Variants in CACNA2D1 observed in about 807,000 individuals in gnomAD.
CACNA2D1 encodes the protein calcium voltage-gated channel auxiliary subunit alpha2delta 1, also known as voltage-dependent calcium channel subunit alpha-2/delta-1.
In CACNA2D1, 53 loss-of-function variants were observed where a neutral mutation model predicts 171.5. The observed-to-expected ratio is 0.31, with a 90% CI of 0.25 to 0.39. The LOEUF (loss-of-function observed/expected upper bound fraction) is 0.39. CACNA2D1 is among the 10% of genes least tolerant of loss of function. The pLI, the probability that CACNA2D1 is intolerant of heterozygous loss-of-function variation, is 1.00. For synonymous variants in CACNA2D1, 442 were observed against 443.1 expected, an observed-to-expected ratio of 1.00 and a Z score of 0.03; for missense variants, 903 against 1,299.8, an observed-to-expected ratio of 0.69 and a Z score of 4.69.
rs1800897678 is a variant in CACNA2D1 at position 82,019,330 on chromosome 7, C to CA, written c.1144-4852dup. Among the ~76,000 whole-genome samples, 3 of 151,874 alleles carry CA rather than the reference C, an allele frequency of 2.0e-5. No homozygotes were observed. In the South Asian group the frequency reaches 6.2e-4, roughly 31 times the overall value. On this transcript the variant is annotated intron_variant, in intron 12 of 38. Coordinates refer to ENST00000356860, the MANE Select transcript of CACNA2D1 (RefSeq NM_000722.4). ...TGAGACTCCGTCTCAAAACAAAAAA[C>CA]AAAAAACAAAAAAAATTAAATTCCT...
At chr7:82,187,441 C>T (rs36032548) in intron 3 of CACNA2D1, among the ~76,000 whole-genome samples, 44,092 of 151,818 alleles carry the variant, frequency 0.29, 6,641 homozygotes, top group East Asian at 0.45. Context: ...GAAATAAGGA[C>T]AATGTACAAT....
At chr7:82,105,387 C>A (rs1787618153) in intron 6 of CACNA2D1, among the ~76,000 whole-genome samples, 3 of 139,778 alleles carry the variant, frequency 2.1e-5, no homozygotes, top group Non-Finnish European at 3.1e-5. Context: ...ATTAATCAAA[C>A]CAGTTTTTGT....
intron 4 of CACNA2D1, among the ~76,000 whole-genome samples, chr7:82,151,316 T>C (rs1793834070): frequency 6.6e-6 from 1 of 152,120 alleles, no homozygotes; most frequent in Non-Finnish European, 1.5e-5. Flanking sequence ...TTTAGAGTAG[T>C]AAATGAAGAT....
At chr7:82,052,536 T>C (rs377602395) in intron 10 of CACNA2D1, among the ~76,000 whole-genome samples, 1 of 152,184 alleles carries the variant, frequency 6.6e-6, no homozygotes, top group East Asian at 1.9e-4. Context: ...ATCAATTCTC[T>C]TTACCTGTAT....
intron 11 of CACNA2D1, among the ~76,000 whole-genome samples, chr7:82,035,837 T>G (rs1346881349): frequency 1.3e-5 from 2 of 152,342 alleles, no homozygotes; most frequent in Middle Eastern, 3.4e-3. Flanking sequence ...GGATACATCT[T>G]AATCTAACGG....
At chr7:82,002,045 AGAG>A (rs1562851118) in intron 18 of CACNA2D1, among the ~76,000 whole-genome samples, 5 of 135,848 alleles carry the variant, frequency 3.7e-5, no homozygotes, top group African/African-American at 8.1e-5. Flanking sequence ...AAAAAAAAAG[AGAG>A]AGAGAGAGAG....
intron 3 of CACNA2D1, among the ~76,000 whole-genome samples, chr7:82,284,894 C>T (rs944400502): frequency 1.4e-4 from 22 of 152,214 alleles, no homozygotes; most frequent in African/African-American, 5.1e-4. Flanking sequence ...CTTAACAAAA[C>T]TCAAATTTTT....
chr7:81,963,346 G>T (rs143134568), intron 34 of CACNA2D1, among the ~76,000 whole-genome samples: 1 of 151,774 alleles, frequency 6.6e-6, no homozygotes, highest in Admixed American at 6.6e-5. Context: ...ACAATACAGT[G>T]TGATGATACA....
At chr7:82,092,725 A>G (rs1811353495) in intron 6 of CACNA2D1, among the ~76,000 whole-genome samples, 1 of 151,562 alleles carries the variant, frequency 6.6e-6, no homozygotes, top group African/African-American at 2.4e-5. Flanking sequence ...AAATTTTAGT[A>G]TTTGTAATTA....
At chr7:82,392,590 G>C (rs1013113550) in intron 1 of CACNA2D1, among the ~76,000 whole-genome samples, 7 of 152,194 alleles carry the variant, frequency 4.6e-5, no homozygotes, top group African/African-American at 1.7e-4. Flanking sequence ...CCTGTGGCAG[G>C]CCTGGGGCCA....
chr7:82,014,912 G>A (rs1252496538), intron 12 of CACNA2D1, among the ~76,000 whole-genome samples: 3 of 152,134 alleles, frequency 2.0e-5, no homozygotes, highest in Non-Finnish European at 2.9e-5. Context: ...AAAATTAGCC[G>A]GGCCTTATGG....
intron 3 of CACNA2D1, among the ~76,000 whole-genome samples, chr7:82,187,785 T>C (rs1797912333): frequency 6.6e-6 from 1 of 152,138 alleles, no homozygotes; most frequent in African/African-American, 2.4e-5. Context: ...AGAAATACCA[T>C]AGACTGGGTA....
intron 10 of CACNA2D1, among the ~76,000 whole-genome samples, chr7:82,046,337 C>A (rs1286333699): frequency 6.6e-6 from 1 of 152,136 alleles, no homozygotes; most frequent in East Asian, 1.9e-4. Context: ...ACATAAATAT[C>A]TTCACTAATG....
At chr7:82,244,119 A>C in intron 3 of CACNA2D1, among the ~76,000 whole-genome samples, 1 of 149,896 alleles carries the variant, frequency 6.7e-6, no homozygotes, top group East Asian at 1.9e-4. Flanking sequence ...GGGTTTTATT[A>C]TTTCTTCAAA....
chr7:82,432,037 T>TTAAAA (rs1554555587), intron 1 of CACNA2D1, among the ~76,000 whole-genome samples: 1 of 82,230 alleles, frequency 1.2e-5, no homozygotes, highest in South Asian at 4.3e-4. Flanking sequence ...GACTCTGTCT[T>TTAAAA]AAAAAAAAAA....
rs116252663 is a variant in CACNA2D1 at position 82,333,794 on chromosome 7, G to A, written c.294+1341C>T. ...CTTGGAAAAAATAATTTGAAATGCA[G>A]ACTAAAATTATATACTCATATAACT... On this transcript the variant is annotated intron_variant, in intron 3 of 38. Coordinates refer to ENST00000356860, the MANE Select transcript of CACNA2D1 (RefSeq NM_000722.4). Among the ~76,000 whole-genome samples the A allele has an allele frequency of 2.2e-3, 334 of 151,710 alleles. 3 individuals are homozygous for A. The highest frequency in any genetic ancestry group is 7.9e-3 in the African/African-American group (326 of 41,368).
chr7:82,078,552 A>G (rs182471143), intron 7 of CACNA2D1, among the ~76,000 whole-genome samples: 9 of 152,322 alleles, frequency 5.9e-5, no homozygotes, highest in Admixed American at 2.0e-4. Flanking sequence ...TGATTTTCCA[A>G]TGAGCACATA....
intron 3 of CACNA2D1, among the ~76,000 whole-genome samples, chr7:82,187,196 T>A (rs907521891): frequency 6.6e-5 from 10 of 152,168 alleles, no homozygotes; most frequent in Admixed American, 1.3e-4. Context: ...CAACTGAATA[T>A]TTATGAAATC....
At chr7:82,321,399 G>A (rs571537760) in intron 3 of CACNA2D1, among the ~76,000 whole-genome samples, 2 of 151,756 alleles carry the variant, frequency 1.3e-5, no homozygotes, top group Admixed American at 6.6e-5. Flanking sequence ...ATTCTGTCTC[G>A]AAAAAGAAAT....
Sources: gnomAD v4.1 joint callset for allele counts (sites outside exome capture counted in the v4.1 genomes callset) on GRCh38, gnomAD v4.1.1 for gene constraint, MANE v1.5 for transcripts, NCBI Gene and HGNC (gene_info 2026-07-23, HGNC 2026-07-21) for gene names.